LRP12: variants seen among roughly 807,000 people sequenced by gnomAD.
LRP12 encodes the protein low-density lipoprotein receptor-related protein 12.
Under a neutral mutation model 66.0 loss-of-function variants are expected in LRP12, and 14 were observed. That is an observed-to-expected ratio of 0.21 (90% CI 0.14 to 0.33). The LOEUF (loss-of-function observed/expected upper bound fraction) is 0.33, where lower values mean the gene tolerates loss of function less well. Ranked by LOEUF, LRP12 falls within the 10% of genes least tolerant of loss-of-function variation. The pLI is 1.00. For synonymous variants in LRP12, 357 were observed against 359.1 expected (o/e 0.99, Z 0.07); for missense variants, 889 against 1,053.4 (o/e 0.84, Z 2.16).
intron 1 of LRP12, among the ~76,000 whole-genome samples, chr8:104,546,826 T>A (rs1185781135): frequency 6.7e-6 from 1 of 150,052 alleles, no homozygotes; most frequent in Non-Finnish European, 1.5e-5. Flanking sequence ...TCCCCTGTCA[T>A]TCGGAGACTG....
Position 104,572,052 on chromosome 8 carries a change from A to T in LRP12, c.79+16767T>A, listed in dbSNP as rs75394596. ...TGTCCTTCAATAGGTGAACTGATAA[A>T]CTGTGGTATATCCATAAAATGGCAA... On this transcript the variant is annotated intron_variant, in intron 1 of 6. Transcript: ENST00000276654. Among the ~76,000 whole-genome samples the T allele has an allele frequency of 6.0e-3, 910 of 152,354 alleles. 9 individuals carry two copies. Among genetic ancestry groups the T allele is most frequent in the Admixed American group, 0.012 (191 of 15,298 alleles).
At chr8:104,530,913 G>GA in intron 2 of LRP12, among the ~76,000 whole-genome samples, 1 of 151,860 alleles carries the variant, frequency 6.6e-6, no homozygotes, top group Non-Finnish European at 1.5e-5. Flanking sequence ...AACAAACTAT[G>GA]AAAAAAAATT....
intron 1 of LRP12, among the ~76,000 whole-genome samples, chr8:104,571,613 C>T (rs1416007444): frequency 1.4e-4 from 22 of 152,156 alleles, no homozygotes; most frequent in Admixed American, 1.4e-3. Context: ...TTCCTGAGGC[C>T]TCCCCAGCCA....
intron 1 of LRP12, among the ~76,000 whole-genome samples, chr8:104,543,792 C>A (rs1176810666): frequency 1.3e-5 from 2 of 152,068 alleles, no homozygotes; most frequent in East Asian, 3.9e-4. Context: ...CGTGGTGGCG[C>A]ATGCCTGTAA....
intron 4 of LRP12, 65 bp from the exon 5 acceptor site, chr8:104,498,141 T>C (rs1810768086): frequency 7.3e-7 from 1 of 1,373,944 alleles, no homozygotes; most frequent in Non-Finnish European, 9.8e-7. Context: ...TTAAAAGACA[T>C]AAAACAGCAA....
chr8:104,548,164 T>A lies in LRP12; in HGVS notation c.80-16201A>T, dbSNP rs1378825138. ...AATTATATTATATATTAATAATTAT[T>A]ATATATAATATAATATATAATATAT... On this transcript the variant is annotated intron_variant, in intron 1 of 6. Coordinates refer to ENST00000276654, the MANE Select transcript of LRP12 (RefSeq NM_013437.5). Among the ~76,000 whole-genome samples, 197 of 45,646 alleles carry A rather than the reference T, an allele frequency of 4.3e-3. 1 individual carries two copies. The highest frequency in any genetic ancestry group is 0.021 in the African/African-American group (189 of 9,106). The allele number at this position is 45,646 out of a possible 152,430, so 29.9% of individuals were successfully genotyped here.
chr8:104,506,149 TA>T (rs1173655607), intron 3 of LRP12: 8 of 152,212 alleles, frequency 5.3e-5, no homozygotes, highest in Non-Finnish European at 7.3e-5. Flanking sequence ...TTACAAATAT[TA>T]AAAAATATCT....
intron 2 of LRP12, among the ~76,000 whole-genome samples, chr8:104,510,735 C>T (rs532357649): frequency 1.3e-4 from 20 of 152,056 alleles, no homozygotes; most frequent in African/African-American, 3.9e-4. Flanking sequence ...TCAGAAGTGA[C>T]GAGTAAATTT....
intron 1 of LRP12, among the ~76,000 whole-genome samples, chr8:104,537,684 T>C (rs1183303266): frequency 2.6e-5 from 4 of 152,130 alleles, no homozygotes; most frequent in Non-Finnish European, 5.9e-5. Context: ...GTACAACCAC[T>C]TTGGAAAACA....
rs186980232 is a variant in LRP12 at position 104,500,894 on chromosome 8, G to C, written c.273-1375C>G. Among the ~76,000 whole-genome samples, 17 of 152,274 alleles carry C rather than the reference G, an allele frequency of 1.1e-4. No homozygotes were observed. In the East Asian group the frequency reaches 2.5e-3, roughly 22 times the overall value. On this transcript the variant is annotated intron_variant, in intron 3 of 6. Transcript: ENST00000276654. ...TTATACGAATTTACAGTTCTACCAAGTATGTACCAAAGTACCATATACCCC... is the reference window on the plus strand; with the variant it reads ...TTATACGAATTTACAGTTCTACCAACTATGTACCAAAGTACCATATACCCC...
chr8:104,495,195 T>C lies in LRP12; in HGVS notation c.1595A>G (p.Gln532Arg). Residue 532 changes from glutamine (Q) to arginine (R), a missense_variant, in exon 6 of 7, where the codon CAG (glutamine) becomes CGG (arginine). Coordinates refer to ENST00000276654, the MANE Select transcript of LRP12 (RefSeq NM_013437.5). The part of the protein sequence containing the change: ...RMFERRSFET[Q>R]LSRVEAELLR... ...CAATTCTGCTTCCACTCTTGACAAC[T>C]GTGTTTCAAATGATCTTTGAGAGTA... is the stretch of plus-strand genomic sequence containing the variant. The C allele has an allele frequency of 2.5e-6, 4 of 1,613,218 alleles. No individual in the cohort carries two copies. The highest frequency in any genetic ancestry group is 3.4e-6 in the Non-Finnish European group (4 of 1,179,648).
At chr8:104,532,441 CCAA>C (rs993166996) in intron 1 of LRP12, among the ~76,000 whole-genome samples, 2 of 151,524 alleles carry the variant, frequency 1.3e-5, no homozygotes, top group Non-Finnish European at 2.9e-5. Context: ...ATTTTTCTCA[CCAA>C]CAATTCTAAC....
intron 1 of LRP12, among the ~76,000 whole-genome samples, chr8:104,550,608 T>C (rs553002437): frequency 4.6e-5 from 7 of 152,284 alleles, no homozygotes; most frequent in African/African-American, 1.7e-4. Flanking sequence ...GGAAGTCATT[T>C]CAGTTTCTTC....
chr8:104,547,570 ATTAT>A (rs1359056341), intron 1 of LRP12, among the ~76,000 whole-genome samples: 1 of 121,394 alleles, frequency 8.2e-6, no homozygotes, highest in East Asian at 2.2e-4. Context: ...TATATTAATA[ATTAT>A]TATATATTAA....
chr8:104,525,260 A>G (rs569057206), intron 2 of LRP12, among the ~76,000 whole-genome samples: 3 of 152,258 alleles, frequency 2.0e-5, no homozygotes, highest in South Asian at 2.1e-4. Context: ...CTAAATTAAA[A>G]TAAGTACAAA....
intron 3 of LRP12, chr8:104,507,207 G>A (rs972858582): frequency 1.1e-4 from 16 of 152,120 alleles, no homozygotes; most frequent in Admixed American, 8.5e-4. Context: ...TCTTTTTAAA[G>A]TTATGGTATT....
intron 1 of LRP12, among the ~76,000 whole-genome samples, chr8:104,578,159 T>C (rs1360721516): frequency 1.3e-5 from 2 of 150,858 alleles, no homozygotes; most frequent in Non-Finnish European, 1.5e-5. Flanking sequence ...CTAGCTAGGC[T>C]AATAAAGAAG....
intron 4 of LRP12, among the ~76,000 whole-genome samples, chr8:104,498,603 C>T (rs1253730524): frequency 6.6e-6 from 1 of 152,074 alleles, no homozygotes; most frequent in Admixed American, 6.5e-5. Context: ...TGTATATGTA[C>T]CAACATTTTC....
At chr8:104,498,214 GT>G in intron 4 of LRP12, 138 bp from the exon 5 acceptor site, 1 of 861,180 alleles carries the variant, frequency 1.2e-6, no homozygotes. Context: ...AAACAGGTTG[GT>G]TTTTTAATAT....
Sources: gnomAD v4.1 joint callset for allele counts (sites outside exome capture counted in the v4.1 genomes callset) on GRCh38, gnomAD v4.1.1 for gene constraint, MANE v1.5 for transcripts, NCBI Gene and HGNC (gene_info 2026-07-23, HGNC 2026-07-21) for gene names.